SORCS3: variants seen among roughly 807,000 people sequenced by gnomAD.
SORCS3 encodes sortilin related VPS10 domain containing receptor 3.
In SORCS3, 57 loss-of-function variants were observed where a neutral mutation model predicts 146.3. That is an observed-to-expected ratio of 0.39 (90% confidence interval 0.31 to 0.49). The LOEUF is 0.49. Ranked by LOEUF, SORCS3 falls within the 20% of genes least tolerant of loss-of-function variation. The pLI is 0.92. For missense variants in SORCS3, 1,341 were observed against 1,575.5 expected, an observed-to-expected ratio of 0.85 and a Z score of 2.52; for synonymous variants, 653 against 618.5, an observed-to-expected ratio of 1.06 and a Z score of -0.83.
At chr10:104,666,906 G>T (rs1340958817) in intron 1 of SORCS3, among the ~76,000 whole-genome samples, 1 of 152,062 alleles carries the variant, frequency 6.6e-6, no homozygotes, top group African/African-American at 2.4e-5. Context: ...TAAATAACCT[G>T]CCTAAGGTAA....
chr10:105,108,793 A>T (rs1014404647), intron 7 of SORCS3, among the ~76,000 whole-genome samples: 1 of 152,224 alleles, frequency 6.6e-6, no homozygotes, highest in Non-Finnish European at 1.5e-5. Context: ...GCTAAGATTG[A>T]AATATGGTAA....
intron 2 of SORCS3, among the ~76,000 whole-genome samples, chr10:104,884,028 G>A (rs913381977): frequency 1.3e-5 from 2 of 152,044 alleles, no homozygotes; most frequent in Non-Finnish European, 2.9e-5. Flanking sequence ...CAAACAGATG[G>A]TACAGCCACC....
At chr10:104,803,270 G>T (rs970678253) in intron 1 of SORCS3, among the ~76,000 whole-genome samples, 2 of 152,200 alleles carry the variant, frequency 1.3e-5, no homozygotes, top group African/African-American at 4.8e-5. Context: ...GGTAGAAGTG[G>T]TTCTGTTTCT....
chr10:105,086,383 G>C (rs1365132913), intron 5 of SORCS3, among the ~76,000 whole-genome samples: 1 of 152,172 alleles, frequency 6.6e-6, no homozygotes, highest in Non-Finnish European at 1.5e-5. Flanking sequence ...GCAAGTGCTG[G>C]AGGATGTGTG....
chr10:104,769,225 T>C (rs1248431882), intron 1 of SORCS3, among the ~76,000 whole-genome samples: 1 of 152,176 alleles, frequency 6.6e-6, no homozygotes, highest in African/African-American at 2.4e-5. Flanking sequence ...GAAATGACAC[T>C]CCTTCCAGGG....
intron 17 of SORCS3, 102 bp from the exon 18 acceptor site, chr10:105,214,340 T>C: frequency 1.5e-6 from 2 of 1,324,990 alleles, no homozygotes; most frequent in Non-Finnish European, 1.1e-6. Flanking sequence ...CCTGTTTTGC[T>C]CTTGCTCTCT....
At chr10:104,660,892 G>C (rs1387077657) in intron 1 of SORCS3, among the ~76,000 whole-genome samples, 2 of 152,164 alleles carry the variant, frequency 1.3e-5, no homozygotes, top group Non-Finnish European at 2.9e-5. Flanking sequence ...CCAAAGACTG[G>C]CTCTTCTCTC....
chr10:104,668,863 G>A (rs2015816555), intron 1 of SORCS3, among the ~76,000 whole-genome samples: 1 of 152,226 alleles, frequency 6.6e-6, no homozygotes, highest in Admixed American at 6.5e-5. Context: ...AGCCTTATCA[G>A]ATATTAGAGA....
At chr10:105,061,781 C>T (rs888882877) in intron 5 of SORCS3, among the ~76,000 whole-genome samples, 12 of 152,078 alleles carry the variant, frequency 7.9e-5, no homozygotes, top group African/African-American at 2.9e-4. Flanking sequence ...AGCAGCTGAT[C>T]CTATAGCACT....
chr10:105,199,372 T>C (rs1041749657), intron 14 of SORCS3, among the ~76,000 whole-genome samples: 1 of 152,170 alleles, frequency 6.6e-6, no homozygotes, highest in African/African-American at 2.4e-5. Flanking sequence ...GAGTTCCTTT[T>C]ATGAGTCTGC....
chr10:104,735,456 G>GCTTTTTTTTTTTTTTTTTTTTT (rs2016757194), intron 1 of SORCS3, among the ~76,000 whole-genome samples: 1 of 34,994 alleles, frequency 2.9e-5, no homozygotes. Flanking sequence ...CTCACCGTCT[G>GCTTTTTTTTTTTTTTTTTTTTT]TTTTTTTTTT....
At chr10:104,753,892 A>G (rs1449069746) in intron 1 of SORCS3, among the ~76,000 whole-genome samples, 1 of 152,226 alleles carries the variant, frequency 6.6e-6, no homozygotes, top group African/African-American at 2.4e-5. Flanking sequence ...CCATATTTTC[A>G]GAAGCCTCAA....
intron 3 of SORCS3, among the ~76,000 whole-genome samples, chr10:104,964,063 C>T (rs955546938): frequency 6.6e-6 from 1 of 152,098 alleles, no homozygotes; most frequent in Non-Finnish European, 1.5e-5. Context: ...CAGAACCTCT[C>T]CCTGGTCTCT....
chr10:105,009,301 T>C (rs11192273), intron 4 of SORCS3, among the ~76,000 whole-genome samples: 3,663 of 152,148 alleles, frequency 0.024, 142 homozygotes, highest in African/African-American at 0.084. Context: ...GTAGAAAGAA[T>C]TCAAGAAACA....
intron 14 of SORCS3, among the ~76,000 whole-genome samples, chr10:105,188,515 A>C (rs1242523552): frequency 6.6e-6 from 1 of 152,118 alleles, no homozygotes; most frequent in Non-Finnish European, 1.5e-5. Flanking sequence ...ATTAATACTA[A>C]ATCATTTCAA....
intron 5 of SORCS3, among the ~76,000 whole-genome samples, chr10:105,082,192 G>C (rs544253958): frequency 6.6e-4 from 100 of 152,318 alleles, no homozygotes; most frequent in Non-Finnish European, 1.3e-3. Flanking sequence ...ATTGTTACAG[G>C]AGCCTTGTGA....
At chr10:104,975,947 C>G (rs1194231727) in intron 3 of SORCS3, among the ~76,000 whole-genome samples, 7 of 152,296 alleles carry the variant, frequency 4.6e-5, no homozygotes, top group Non-Finnish European at 8.8e-5. Context: ...AGACCTAAAA[C>G]CATAAAAACC....
At chr10:104,833,279 G>A (rs2018021831) in intron 1 of SORCS3, among the ~76,000 whole-genome samples, 1 of 152,210 alleles carries the variant, frequency 6.6e-6, no homozygotes, top group South Asian at 2.1e-4. Context: ...TCTGAGATGA[G>A]AGGGGTGCTG....
At chr10:104,739,272 A>C (rs897650871) in intron 1 of SORCS3, among the ~76,000 whole-genome samples, 1 of 150,678 alleles carries the variant, frequency 6.6e-6, no homozygotes, top group Non-Finnish European at 1.5e-5. Context: ...CAAGAGAAAC[A>C]GAAGTTGTAT....
Sources: allele counts gnomAD v4.1 joint callset (sites outside exome capture counted in the v4.1 genomes callset), GRCh38; gene constraint gnomAD v4.1.1; transcripts MANE v1.5; gene names NCBI Gene and HGNC (gene_info 2026-07-23, HGNC 2026-07-21).